SCHIP1: variants seen among roughly 807,000 people sequenced by gnomAD.
The protein encoded by SCHIP1 is schwannomin-interacting protein 1.
In SCHIP1, 8 loss-of-function variants were observed where a neutral mutation model predicts 29.7. The observed-to-expected ratio is 0.27, with a 90% confidence interval of 0.16 to 0.49. The LOEUF is 0.49. SCHIP1 is among the 20% of genes least tolerant of loss of function. The pLI, the probability that SCHIP1 is intolerant of heterozygous loss-of-function variation, is 0.99. For missense variants in SCHIP1, 193 were observed against 294.6 expected (o/e 0.66, Z 2.52); for synonymous variants, 76 against 94.9 (o/e 0.80, Z 1.16).
At chr3:159,735,484 C>T in the SCHIP1 span, among the ~76,000 whole-genome samples, 1 of 152,138 alleles carries the variant, frequency 6.6e-6, no homozygotes, top group Non-Finnish European at 1.5e-5. Flanking sequence ...CCCGCCTCAG[C>T]CTCCCAAAGT....
chr3:159,539,512 A>G, the SCHIP1 span, among the ~76,000 whole-genome samples: 1 of 135,856 alleles, frequency 7.4e-6, no homozygotes, highest in Non-Finnish European at 1.7e-5. Context: ...TGTTAGTGCA[A>G]AATGCTGTGG....
chr3:159,483,923 T>C, the SCHIP1 span, among the ~76,000 whole-genome samples: 1 of 152,170 alleles, frequency 6.6e-6, no homozygotes, highest in Non-Finnish European at 1.5e-5. Flanking sequence ...AAAATCCAAA[T>C]GTGGAGTTAC....
At chr3:159,668,619 T>C in the SCHIP1 span, among the ~76,000 whole-genome samples, 6 of 152,098 alleles carry the variant, frequency 3.9e-5, no homozygotes, top group African/African-American at 1.4e-4. Context: ...TGCTGGGACC[T>C]GGCACACTGG....
chr3:159,491,973 G>GA, the SCHIP1 span, among the ~76,000 whole-genome samples: 1 of 152,184 alleles, frequency 6.6e-6, no homozygotes, highest in South Asian at 2.1e-4. Flanking sequence ...CACCACTGCT[G>GA]AAACCCAGGC....
chr3:159,659,729 T>TA, the SCHIP1 span, among the ~76,000 whole-genome samples: 445 of 152,122 alleles, frequency 2.9e-3, 2 homozygotes, highest in Middle Eastern at 0.01. Context: ...ATTCTCAGTT[T>TA]AAAAAAAACC....
chr3:159,877,315 A>G (rs1715928389), intron 2 of SCHIP1, among the ~76,000 whole-genome samples: 1 of 152,140 alleles, frequency 6.6e-6, no homozygotes, highest in Non-Finnish European at 1.5e-5. Context: ...ACCCCATTGC[A>G]CTCCAGCCTG....
the SCHIP1 span, among the ~76,000 whole-genome samples, chr3:159,810,480 C>T: frequency 6.6e-6 from 1 of 152,200 alleles, no homozygotes; most frequent in Admixed American, 6.5e-5. Context: ...ATCCTCATTC[C>T]TACTACCAGG....
intron 1 of SCHIP1, among the ~76,000 whole-genome samples, chr3:159,863,821 A>T (rs1184518416): frequency 6.6e-6 from 1 of 152,186 alleles, no homozygotes; most frequent in East Asian, 1.9e-4. Context: ...ACTGCAATTA[A>T]TGTAAATGGA....
At chr3:159,802,917 G>A in the SCHIP1 span, among the ~76,000 whole-genome samples, 4 of 152,286 alleles carry the variant, frequency 2.6e-5, no homozygotes, top group East Asian at 7.7e-4. Flanking sequence ...TCAATACATG[G>A]CTTTCTGCCT....
the SCHIP1 span, among the ~76,000 whole-genome samples, chr3:159,579,910 GA>G: frequency 6.6e-6 from 1 of 151,974 alleles, no homozygotes. Context: ...GAGGGCAAGG[GA>G]AAAAAATTTA....
chr3:159,385,809 T>TACA, the SCHIP1 span, among the ~76,000 whole-genome samples: 30 of 152,292 alleles, frequency 2.0e-4, no homozygotes, highest in African/African-American at 7.0e-4. Flanking sequence ...ACCCATCAAC[T>TACA]ACATTAGGTA....
the SCHIP1 span, among the ~76,000 whole-genome samples, chr3:159,288,315 G>A: frequency 6.6e-6 from 1 of 152,150 alleles, no homozygotes; most frequent in Admixed American, 6.5e-5. Flanking sequence ...ACGATGCCTA[G>A]CTAGTATCCC....
chr3:159,710,069 C>T, the SCHIP1 span, among the ~76,000 whole-genome samples: 2 of 152,142 alleles, frequency 1.3e-5, no homozygotes, highest in East Asian at 3.8e-4. Context: ...ACCATATGAT[C>T]CAGCAATCTC....
At chr3:159,370,069 C>T in the SCHIP1 span, among the ~76,000 whole-genome samples, 1 of 152,170 alleles carries the variant, frequency 6.6e-6, no homozygotes, top group East Asian at 1.9e-4. Context: ...TCATTTTCTA[C>T]ACATGCACAT....
the SCHIP1 span, among the ~76,000 whole-genome samples, chr3:159,483,269 A>C: frequency 6.6e-6 from 1 of 152,194 alleles, no homozygotes; most frequent in African/African-American, 2.4e-5. Flanking sequence ...ATTGCTTGAC[A>C]TAATGATTTC....
At chr3:159,680,546 AT>A in the SCHIP1 span, among the ~76,000 whole-genome samples, 4 of 117,960 alleles carry the variant, frequency 3.4e-5, no homozygotes, top group African/African-American at 1.3e-4. Flanking sequence ...ATATATGTAT[AT>A]ATATAATATA....
the SCHIP1 span, among the ~76,000 whole-genome samples, chr3:159,521,135 G>A: frequency 6.6e-6 from 1 of 152,124 alleles, no homozygotes; most frequent in African/African-American, 2.4e-5. Flanking sequence ...CACCTTCTTA[G>A]TTATTTTCAG....
the SCHIP1 span, among the ~76,000 whole-genome samples, chr3:159,534,638 T>C: frequency 6.6e-6 from 1 of 152,038 alleles, no homozygotes; most frequent in Non-Finnish European, 1.5e-5. Context: ...GAGTGGTGTA[T>C]ATGACTTCCT....
upstream of SCHIP1, among the ~76,000 whole-genome samples, chr3:159,838,673 A>G (rs6802934): frequency 0.75 from 114,534 of 151,890 alleles, 44,002 homozygotes; most frequent in East Asian, 0.98. Context: ...GGCGGATCAC[A>G]AGGTCAGGAG....
Sources: allele counts gnomAD v4.1 joint callset (sites outside exome capture counted in the v4.1 genomes callset), GRCh38; gene constraint gnomAD v4.1.1; transcripts MANE v1.5; gene names NCBI Gene and HGNC (gene_info 2026-07-23, HGNC 2026-07-21).